SPTA1: variants seen among roughly 807,000 people sequenced by gnomAD.
SPTA1 encodes the protein spectrin alpha, erythrocytic 1, also known as spectrin alpha chain, erythrocytic 1.
SPTA1 carries 177 observed loss-of-function variants against 324.7 expected under a neutral mutation model. The ratio of observed to expected loss-of-function variants is 0.55; its 90% CI spans 0.48 to 0.62. SPTA1 has a LOEUF of 0.62. Ranked by LOEUF, SPTA1 falls within the 20% of genes least tolerant of loss-of-function variation. The pLI, the probability that SPTA1 is intolerant of heterozygous loss-of-function variation, is 0.00. For missense variants in SPTA1, 3,162 were observed against 2,883.6 expected (o/e 1.10, Z -2.21); for synonymous variants, 1,195 against 1,041.3 (o/e 1.15, Z -2.84).
rs765527553 is a variant in SPTA1, at chr1:158,640,012, C to G, written c.4738-5G>C. The G allele has an allele frequency of 1.9e-6, 3 of 1,613,586 alleles. No homozygotes were observed. Among genetic ancestry groups the G allele is most frequent in the South Asian group, 2.2e-5 (2 of 91,068 alleles). The stretch of plus-strand genomic sequence containing the variant: ...CTTCAGCTGTTCCAGTTGCTCCTAA[C>G]CCAAGGAGAGTGAGGAGTCATTACA... On this transcript the variant is annotated splice_polypyrimidine_tract_variant and splice_region_variant and intron_variant, in intron 33 of 51. Transcript: ENST00000643759.
intron 1 of SPTA1, among the ~76,000 whole-genome samples, chr1:158,685,581 A>C (rs1002160817): frequency 1.3e-5 from 2 of 152,070 alleles, no homozygotes; most frequent in Non-Finnish European, 2.9e-5. Flanking sequence ...TTTTTACATA[A>C]ATTTGTGCTA....
chr1:158,677,954 C>T (rs374423569), intron 6 of SPTA1, 120 bp from the exon 7 acceptor site: 14 of 1,248,754 alleles, frequency 1.1e-5, no homozygotes, highest in East Asian at 4.6e-5. Context: ...TCCTTTCTTC[C>T]TACATACTAG....
rs369179493 is a variant in SPTA1 at position 158,645,476 on chromosome 1, G to A, written c.3996+19C>T. ...GTTTCAGGTCAAGTGATCAGTGGCT[G>A]TGACTTTTGTAGTTTTACCTGATGT... On this transcript the variant is annotated intron_variant, in intron 28 of 51. Transcript: ENST00000643759. 1.9e-6 allele frequency: 3 copies of A among 1,613,914 alleles called. No individual in the cohort carries two copies. Among genetic ancestry groups the A allele is most frequent in the Admixed American group, 1.7e-5 (1 of 59,984 alleles).
chr1:158,614,920 G>T, intron 48 of SPTA1: 1 of 359,822 alleles, frequency 2.8e-6, no homozygotes, highest in East Asian at 5.3e-5. Flanking sequence ...AAAGGGAATG[G>T]TTTCCTAAGA....
intron 42 of SPTA1, among the ~76,000 whole-genome samples, chr1:158,624,208 C>T (rs371358528): frequency 6.6e-6 from 1 of 152,208 alleles, no homozygotes; most frequent in Non-Finnish European, 1.5e-5. Context: ...TTGGAACACC[C>T]GCCCCTGACA....
intron 46 of SPTA1, 110 bp from the exon 47 acceptor site, chr1:158,617,698 T>G: frequency 8.9e-7 from 1 of 1,129,744 alleles, no homozygotes. Context: ...GTTATGTGGC[T>G]TACATGAAGC....
rs186919725 is a variant in SPTA1 at position 158,642,725 on chromosome 1, C to A, written c.4605+89G>T. The A allele has an allele frequency of 3.2e-4, 507 of 1,605,764 alleles. 1 individual carries two copies. The African/African-American group carries it at 5.4e-3, about 17-fold the overall frequency. On this transcript the variant is annotated intron_variant, in intron 32 of 51. Transcript: ENST00000643759. ...GAGCAGGCATGGTAGCCTCAACAGT[C>A]AGAAAGTGTTAAAGTATCAAGGGTG...
At chr1:158,686,346 CA>C in intron 1 of SPTA1, 147 bp downstream of exon 1, 2 of 655,294 alleles carry the variant, frequency 3.1e-6, no homozygotes, top group Admixed American at 2.5e-5. Flanking sequence ...TTATTGTTCA[CA>C]AAAAATAGTT....
chr1:158,643,568 G>C, intron 30 of SPTA1, 143 bp from the exon 31 acceptor site: 1 of 831,238 alleles, frequency 1.2e-6, no homozygotes, highest in East Asian at 2.7e-5. Context: ...TGCCTTACAG[G>C]GAGGTGGGTT....
chr1:158,628,017 G>A (rs777863711), intron 39 of SPTA1, among the ~76,000 whole-genome samples: 11 of 152,210 alleles, frequency 7.2e-5, no homozygotes, highest in South Asian at 2.1e-4. Context: ...GACTGGGGTC[G>A]TATATAAAGA....
rs966652 is a variant in SPTA1, at chr1:158,671,049, G to T, written c.1599+294C>A. On this transcript the variant is annotated intron_variant, in intron 12 of 51. Coordinates refer to ENST00000643759, the MANE Select transcript of SPTA1 (RefSeq NM_003126.4). ...CAGATATGCTTTGTAGAACAAGAATGGTGTGATAAAAATTGGTATGAGTAT... is the reference window on the plus strand; with the variant it reads ...CAGATATGCTTTGTAGAACAAGAATTGTGTGATAAAAATTGGTATGAGTAT... Among the ~76,000 whole-genome samples the T allele has an allele frequency of 0.96, 146,212 of 152,154 alleles. 70,517 individuals are homozygous for T. Among genetic ancestry groups the T allele is most frequent in the East Asian group, 1 (5,186 of 5,186 alleles).
intron 45 of SPTA1, 79 bp from the exon 46 acceptor site, chr1:158,618,135 T>C: frequency 1.5e-6 from 2 of 1,369,742 alleles, no homozygotes; most frequent in South Asian, 2.3e-5. Context: ...TTTAAAGATC[T>C]CATTTCCTCA....
At chr1:158,618,485 A>G (rs573471446) in intron 45 of SPTA1, among the ~76,000 whole-genome samples, 1 of 152,330 alleles carries the variant, frequency 6.6e-6, no homozygotes, top group Non-Finnish European at 1.5e-5. Flanking sequence ...CCACCACATT[A>G]ACCCTCAAAA....
At chr1:158,635,813 G>A in intron 38 of SPTA1, 100 bp downstream of exon 38, 1 of 1,560,720 alleles carries the variant, frequency 6.4e-7, no homozygotes, top group Non-Finnish European at 8.8e-7. Flanking sequence ...AGGTAGTTGG[G>A]GATAGCAGAC....
Position 158,643,100 on chromosome 1 carries a change from A to T in SPTA1, c.4443-124T>A, listed in dbSNP as rs955290557. On this transcript the variant is annotated intron_variant, in intron 31 of 51. Coordinates refer to ENST00000643759, the MANE Select transcript of SPTA1 (RefSeq NM_003126.4). ...CTTCTCACATAGTCTTATTATTTTC[A>T]TTATAAAATGCAGTGCTAAAGCCAG... is the stretch of plus-strand genomic sequence containing the variant. The T allele has an allele frequency of 2.8e-6, 4 of 1,408,812 alleles. No homozygotes were observed. The African/African-American group carries it at 5.7e-5, about 20-fold the overall frequency. The allele number at this position is 1,408,812 out of a possible 1,614,324, so 87.3% of individuals were successfully genotyped here.
chr1:158,661,311 T>G lies in SPTA1; in HGVS notation c.2563A>C (p.Arg855=). 6.2e-7 allele frequency: 1 copy of G among 1,613,960 alleles called. No individual in the cohort carries two copies. The highest frequency in any genetic ancestry group is 8.5e-7 in the Non-Finnish European group (1 of 1,179,888). ...CCTTCCTCTACCATTTTGTTTCCCC[T>G]TTCTGTTATCTCTTGAATGCGTGGT... is the stretch of plus-strand genomic sequence containing the variant. ...HEPRIQEITE[R]GNKMVEEGHF... is the part of the protein sequence containing the mutation. The change falls in exon 18 of 52, where the codon AGG becomes CGG. Residue 855 remains arginine, a synonymous_variant. Coordinates refer to ENST00000643759, the MANE Select transcript of SPTA1 (RefSeq NM_003126.4).
chr1:158,658,711 A>G (rs1185028718), intron 18 of SPTA1, among the ~76,000 whole-genome samples: 2 of 152,166 alleles, frequency 1.3e-5, no homozygotes, highest in Non-Finnish European at 2.9e-5. Context: ...GTTGTTTAAT[A>G]CCAGTGATAA....
chr1:158,636,894 C>T, intron 36 of SPTA1, 133 bp from the exon 37 acceptor site: 2 of 1,490,744 alleles, frequency 1.3e-6, no homozygotes, highest in Non-Finnish European at 1.8e-6. Context: ...ACCCTGGTGC[C>T]AATGACCAAA....
chr1:158,643,999 T>C (rs1651808228), intron 30 of SPTA1, among the ~76,000 whole-genome samples: 1 of 151,848 alleles, frequency 6.6e-6, no homozygotes, highest in Admixed American at 6.6e-5. Context: ...TAGCTGGGCA[T>C]GGTGGTGGGT....
Sources: gnomAD v4.1 joint callset for allele counts (sites outside exome capture counted in the v4.1 genomes callset) on GRCh38, gnomAD v4.1.1 for gene constraint, MANE v1.5 for transcripts, NCBI Gene and HGNC (gene_info 2026-07-23, HGNC 2026-07-21) for gene names.